ZFAT: variants seen among roughly 807,000 people sequenced by gnomAD.
The protein encoded by ZFAT is zinc finger and AT-hook domain containing.
A neutral mutation model predicts 117.7 loss-of-function variants in ZFAT; 64 were observed. That is an observed-to-expected ratio of 0.54 (90% CI 0.44 to 0.67). The LOEUF (loss-of-function observed/expected upper bound fraction) is 0.67, where lower values mean the gene tolerates loss of function less well. Among genes scored for constraint, ZFAT ranks in the 30% least tolerant of loss-of-function variants. The pLI, the probability that ZFAT is intolerant of heterozygous loss-of-function variation, is 0.00. For synonymous variants in ZFAT, 679 were observed against 615.0 expected, an observed-to-expected ratio of 1.10 and a Z score of -1.54; for missense variants, 1,433 against 1,584.5, an observed-to-expected ratio of 0.90 and a Z score of 1.62.
chr8:134,598,670 C>G (rs1586784249), intron 7 of ZFAT: 1 of 152,226 alleles, frequency 6.6e-6, no homozygotes, highest in Non-Finnish European at 1.5e-5. Context: ...TGGTAAAGCT[C>G]AATTACAACT....
intron 11 of ZFAT, chr8:134,564,839 G>C: frequency 1.6e-6 from 1 of 608,332 alleles, no homozygotes; most frequent in Non-Finnish European, 2.3e-6. Flanking sequence ...ACACAAATTA[G>C]AGGCATTAAA....
At chr8:134,619,529 TTAC>T (rs2131013030) in intron 3 of ZFAT, among the ~76,000 whole-genome samples, 2 of 152,262 alleles carry the variant, frequency 1.3e-5, no homozygotes, top group Admixed American at 1.3e-4. Flanking sequence ...GTCTATTTGT[TTAC>T]TTATTTCTTG....
At chr8:134,790,741 A>G in the ZFAT span, among the ~76,000 whole-genome samples, 1 of 152,182 alleles carries the variant, frequency 6.6e-6, no homozygotes, top group Non-Finnish European at 1.5e-5. Context: ...CAGGCCAGGC[A>G]TGGTGGCTCA....
At chr8:134,583,656 C>T (rs1226750172) in intron 10 of ZFAT, among the ~76,000 whole-genome samples, 176 bp downstream of exon 10, 2 of 152,198 alleles carry the variant, frequency 1.3e-5, no homozygotes, top group Non-Finnish European at 2.9e-5. Flanking sequence ...GGAAGTGAGG[C>T]ACTGAGCACA....
chr8:134,756,208 C>G, the ZFAT span, among the ~76,000 whole-genome samples: 1 of 152,360 alleles, frequency 6.6e-6, no homozygotes, highest in Non-Finnish European at 1.5e-5. Context: ...TCAACATCCC[C>G]CCTGCACATT....
At chr8:134,625,461 CCTT>C (rs1282422822) in intron 3 of ZFAT, among the ~76,000 whole-genome samples, 1 of 152,246 alleles carries the variant, frequency 6.6e-6, no homozygotes, top group Non-Finnish European at 1.5e-5. Flanking sequence ...GCTACCTCCT[CCTT>C]CAAGAAGCCT....
intron 11 of ZFAT, among the ~76,000 whole-genome samples, chr8:134,538,545 C>G (rs186560791): frequency 3.2e-4 from 48 of 152,246 alleles, no homozygotes; most frequent in African/African-American, 1.2e-3. Context: ...CGCCTGTAAT[C>G]CCAGTATTTT....
chr8:134,712,403 G>T (rs760682535), intron 1 of ZFAT, among the ~76,000 whole-genome samples: 1 of 152,138 alleles, frequency 6.6e-6, no homozygotes, highest in East Asian at 1.9e-4. Flanking sequence ...ACTCTATTAG[G>T]TCCAGCCGGC....
chr8:134,627,360 G>A (rs2131051330), intron 3 of ZFAT, among the ~76,000 whole-genome samples: 1 of 152,330 alleles, frequency 6.6e-6, no homozygotes, highest in East Asian at 1.9e-4. Flanking sequence ...GAGACAAAAG[G>A]AGGAATTCGA....
chr8:134,706,611 G>A (rs1265242721), intron 1 of ZFAT, among the ~76,000 whole-genome samples: 1 of 152,166 alleles, frequency 6.6e-6, no homozygotes, highest in Admixed American at 6.5e-5. Flanking sequence ...AGAATTGCTG[G>A]AACCTGGGAG....
chr8:134,523,794 A>C (rs1041214879), intron 12 of ZFAT, among the ~76,000 whole-genome samples: 3 of 151,882 alleles, frequency 2.0e-5, no homozygotes, highest in Non-Finnish European at 4.4e-5. Context: ...TCTCCATTTG[A>C]CCTTCTCCTC....
At chr8:134,603,113 T>G (rs1013980729) in intron 5 of ZFAT, among the ~76,000 whole-genome samples, 180 bp from the exon 6 acceptor site, 6 of 152,138 alleles carry the variant, frequency 3.9e-5, no homozygotes, top group African/African-American at 1.4e-4. Context: ...GCCATGGTCC[T>G]TCAGGAGCTC....
chr8:134,808,306 G>A, the ZFAT span, among the ~76,000 whole-genome samples: 1 of 152,232 alleles, frequency 6.6e-6, no homozygotes, highest in Admixed American at 6.5e-5. Context: ...TGCCTAGAAG[G>A]TTGAGACTAG....
Position 134,680,652 on chromosome 8 carries a change from G to A in ZFAT, c.20-22915C>T, listed in dbSNP as rs141388577. ...CAAACTATACACAACACACTGCACC[G>A]GCACCAATTTCTTGGTTTAATATTG... On this transcript the variant is annotated intron_variant, in intron 1 of 15. Coordinates refer to ENST00000377838, the MANE Select transcript of ZFAT (RefSeq NM_020863.4). 1.3e-3 allele frequency among the ~76,000 whole-genome samples: 192 copies of A among 152,044 alleles called. 3 individuals are homozygous for A. In the East Asian group the frequency reaches 0.026, roughly 21 times the overall value.
intron 4 of ZFAT, among the ~76,000 whole-genome samples, chr8:134,610,223 C>T (rs537285593): frequency 3.2e-4 from 49 of 152,332 alleles, no homozygotes; most frequent in Non-Finnish European, 2.9e-4. Flanking sequence ...AGGAGCAGCA[C>T]GGCGGAGCTG....
chr8:134,578,263 T>C (rs1825457603), intron 10 of ZFAT, among the ~76,000 whole-genome samples: 1 of 151,106 alleles, frequency 6.6e-6, no homozygotes, highest in African/African-American at 2.4e-5. Context: ...AGATACAAAT[T>C]AGTTGGGTGT....
intron 7 of ZFAT, 88 bp downstream of exon 7, chr8:134,600,348 C>A (rs1484063920): frequency 3.4e-6 from 4 of 1,176,456 alleles, no homozygotes; most frequent in Admixed American, 3.4e-5. Context: ...GGCTGACCTG[C>A]AGCAGAGACA....
Position 134,521,020 on chromosome 8 carries a change from G to A in ZFAT, c.3116-19C>T. Reference sequence around the variant, plus strand: ...AAACCACCTGAAAGCACAGACAGAGGTTAAAAAAAAAATGTGTTCGTAATA... The same window carrying A: ...AAACCACCTGAAAGCACAGACAGAGATTAAAAAAAAAATGTGTTCGTAATA... On this transcript the variant is annotated intron_variant, in intron 12 of 15. Transcript: ENST00000377838. The A allele has an allele frequency of 1.3e-6, 2 of 1,580,400 alleles. No homozygotes were observed. The highest frequency in any genetic ancestry group is 8.6e-7 in the Non-Finnish European group (1 of 1,157,704).
At chr8:134,539,694 G>A (rs1044698063) in intron 11 of ZFAT, among the ~76,000 whole-genome samples, 33 of 152,238 alleles carry the variant, frequency 2.2e-4, no homozygotes, top group Non-Finnish European at 1.0e-4. Flanking sequence ...CCTACATGAA[G>A]TGGACTAGTT....
Sources: allele counts gnomAD v4.1 joint callset (sites outside exome capture counted in the v4.1 genomes callset), GRCh38; gene constraint gnomAD v4.1.1; transcripts MANE v1.5; gene names NCBI Gene and HGNC (gene_info 2026-07-23, HGNC 2026-07-21).